Variants in ADAMTS6 observed in about 807,000 individuals in gnomAD.
ADAMTS6 encodes the protein ADAM metallopeptidase with thrombospondin type 1 motif 6.
Under a neutral mutation model 144.3 loss-of-function variants are expected in ADAMTS6, and 23 were observed. The ratio of observed to expected loss-of-function variants is 0.16; its 90% confidence interval spans 0.11 to 0.23. ADAMTS6 has a LOEUF of 0.23. Among genes scored for constraint, ADAMTS6 ranks in the 10% least tolerant of loss-of-function variants. The probability of loss-of-function intolerance (pLI) is 1.00; values close to 1 mark genes in which losing one functional copy is unlikely to be tolerated. For missense variants in ADAMTS6, 999 were observed against 1,379.6 expected, an observed-to-expected ratio of 0.72 and a Z score of 4.37; for synonymous variants, 444 against 457.5, an observed-to-expected ratio of 0.97 and a Z score of 0.38.
At chr5:65,302,092 CAAAA>C (rs1182825165) in intron 9 of ADAMTS6, among the ~76,000 whole-genome samples, 437 of 19,794 alleles carry the variant, frequency 0.022, no homozygotes, top group African/African-American at 0.05. Context: ...GCTCTGTCTC[CAAAA>C]AAAAAAAAAA....
At chr5:65,340,527 C>A (rs1305136719) in intron 7 of ADAMTS6, among the ~76,000 whole-genome samples, 1 of 151,666 alleles carries the variant, frequency 6.6e-6, no homozygotes, top group Non-Finnish European at 1.5e-5. Flanking sequence ...TAAAAGTAAA[C>A]AATAAGAGAG....
chr5:65,277,605 G>T (rs1219633560), intron 11 of ADAMTS6, among the ~76,000 whole-genome samples: 1 of 151,732 alleles, frequency 6.6e-6, no homozygotes. Context: ...TATTTTAATG[G>T]ACTGTCCTTA....
chr5:65,350,290 A>G (rs148360381), intron 7 of ADAMTS6, among the ~76,000 whole-genome samples: 3 of 152,322 alleles, frequency 2.0e-5, no homozygotes, highest in African/African-American at 7.2e-5. Flanking sequence ...GAAGATTGAG[A>G]ACATCTGGCC....
chr5:65,215,246 G>C, intron 19 of ADAMTS6, 78 bp downstream of exon 19: 1 of 1,454,336 alleles, frequency 6.9e-7, no homozygotes, highest in Non-Finnish European at 9.4e-7. Context: ...GTAAAGCAGA[G>C]ATAATAAAAC....
At chr5:65,476,785 AT>A (rs550635962) in intron 1 of ADAMTS6, among the ~76,000 whole-genome samples, 2 of 150,062 alleles carry the variant, frequency 1.3e-5, no homozygotes, top group African/African-American at 2.4e-5. Context: ...ATTTTTCTGT[AT>A]TTTTTTTTAG....
chr5:65,338,055 T>A (rs983002810), intron 7 of ADAMTS6, among the ~76,000 whole-genome samples: 5 of 152,194 alleles, frequency 3.3e-5, no homozygotes, highest in African/African-American at 1.2e-4. Flanking sequence ...GATCCTAACT[T>A]CAGACTAGGC....
intron 9 of ADAMTS6, among the ~76,000 whole-genome samples, chr5:65,302,092 C>CAAA (rs1182825165): frequency 0.059 from 1,168 of 19,888 alleles, 26 homozygotes; most frequent in Non-Finnish European, 0.082. Flanking sequence ...GCTCTGTCTC[C>CAAA]AAAAAAAAAA....
chr5:65,321,862 T>C (rs1170368913), intron 9 of ADAMTS6, among the ~76,000 whole-genome samples: 2 of 151,848 alleles, frequency 1.3e-5, no homozygotes, highest in East Asian at 1.9e-4. Context: ...ACTACAGGCA[T>C]GTGCCACCAT....
At chr5:65,410,462 T>C (rs1754958946) in intron 7 of ADAMTS6, among the ~76,000 whole-genome samples, 1 of 152,186 alleles carries the variant, frequency 6.6e-6, no homozygotes, top group East Asian at 1.9e-4. Flanking sequence ...TATGTATACA[T>C]TATGGAACAG....
intron 7 of ADAMTS6, among the ~76,000 whole-genome samples, chr5:65,429,417 T>C (rs867648067): frequency 4.6e-5 from 7 of 152,330 alleles, no homozygotes; most frequent in Middle Eastern, 6.8e-3. Flanking sequence ...ATAAAACTTA[T>C]ATTAATGATG....
chr5:65,287,938 A>G (rs1213245707), intron 11 of ADAMTS6, among the ~76,000 whole-genome samples: 1 of 152,202 alleles, frequency 6.6e-6, no homozygotes, highest in Non-Finnish European at 1.5e-5. Flanking sequence ...ATACAACTAT[A>G]TTACTCTGTA....
chr5:65,298,371 G>A lies in ADAMTS6; in HGVS notation c.1370+1614C>T, dbSNP rs528570703. 2.0e-5 allele frequency among the ~76,000 whole-genome samples: 3 copies of A among 152,294 alleles called. No individual in the cohort carries two copies. In the South Asian group the frequency reaches 6.2e-4, roughly 32 times the overall value. On this transcript the variant is annotated intron_variant, in intron 10 of 24. Transcript: ENST00000381055. The stretch of plus-strand genomic sequence containing the variant: ...CATCAGAAATGCACAGGAATCTTGA[G>A]CATGTTATACAGTTTGTCTTTCTGG...
chr5:65,154,706 A>C (rs1314272731), intron 24 of ADAMTS6, among the ~76,000 whole-genome samples: 2 of 152,224 alleles, frequency 1.3e-5, no homozygotes, highest in African/African-American at 2.4e-5. Context: ...TGAGGTTTGC[A>C]TGAGGTAATA....
intron 7 of ADAMTS6, among the ~76,000 whole-genome samples, chr5:65,351,512 T>C (rs1748839773): frequency 6.6e-6 from 1 of 152,254 alleles, no homozygotes; most frequent in African/African-American, 2.4e-5. Flanking sequence ...GGCATTTGAT[T>C]CTGTCATTAA....
intron 11 of ADAMTS6, among the ~76,000 whole-genome samples, chr5:65,275,082 G>A (rs115555644): frequency 0.012 from 1,767 of 151,724 alleles, 33 homozygotes; most frequent in African/African-American, 0.04. Flanking sequence ...TGGGCCAGGC[G>A]CAGTGGCTGA....
intron 21 of ADAMTS6, among the ~76,000 whole-genome samples, chr5:65,196,308 G>A (rs996048328): frequency 2.6e-5 from 4 of 151,992 alleles, no homozygotes; most frequent in Non-Finnish European, 4.4e-5. Context: ...AGGCCGAGGC[G>A]GGCGGATCAC....
intron 9 of ADAMTS6, among the ~76,000 whole-genome samples, chr5:65,302,151 A>G (rs1039486145): frequency 6.9e-6 from 1 of 144,778 alleles, no homozygotes; most frequent in African/African-American, 2.5e-5. Context: ...ATATATTTAC[A>G]TATAATATAT....
Position 65,398,821 on chromosome 5 carries a change from A to AAAGAAAGG in ADAMTS6, c.1073+52653_1073+52654insCCTTTCTT, listed in dbSNP as rs1561501707. Reference sequence around the variant, plus strand: ...GAAAGAAAGAAAGAAAGAAAGAAAGAAAGAAAGAAAGAAAGAAAGAAAGAA... The same window carrying AAAGAAAGG: ...GAAAGAAAGAAAGAAAGAAAGAAAGAAAGAAAGGAAGAAAGAAAGAAAGAAAGAAAGAA... On this transcript the variant is annotated intron_variant, in intron 7 of 24. Transcript: ENST00000381055. 5.8e-5 allele frequency among the ~76,000 whole-genome samples: 8 copies of AAAGAAAGG among 138,150 alleles called. 1 individual carries two copies. Among genetic ancestry groups the AAAGAAAGG allele is most frequent in the African/African-American group, 2.7e-4 (8 of 29,268 alleles). The allele number at this position is 138,150 out of a possible 152,430, so 90.6% of individuals were successfully genotyped here. A position where few individuals can be genotyped will look rare whatever the true frequency, so the allele number is the denominator to read the frequency against.
intron 18 of ADAMTS6, among the ~76,000 whole-genome samples, chr5:65,218,291 T>A (rs1268887418): frequency 6.6e-6 from 1 of 152,164 alleles, no homozygotes; most frequent in African/African-American, 2.4e-5. Flanking sequence ...TAAAGAATAT[T>A]CTGGATTTAC....
Sources: allele counts gnomAD v4.1 joint callset (sites outside exome capture counted in the v4.1 genomes callset), GRCh38; gene constraint gnomAD v4.1.1; transcripts MANE v1.5; gene names NCBI Gene and HGNC (gene_info 2026-07-23, HGNC 2026-07-21).